Variants in GRK1 observed in about 807,000 individuals in gnomAD.
GRK1 encodes G protein-coupled receptor kinase 1.
A neutral mutation model predicts 41.7 loss-of-function variants in GRK1; 28 were observed. That is an observed-to-expected ratio of 0.67 (90% CI 0.50 to 0.92). The LOEUF is 0.92. Among genes scored for constraint, GRK1 ranks in the 40% least tolerant of loss-of-function variants. GRK1 has a pLI of 0.00. For synonymous variants in GRK1, 327 were observed against 286.7 expected (o/e 1.14, Z -1.42); for missense variants, 703 against 671.2 (o/e 1.05, Z -0.52).
chr13:113,724,937 G>A (rs577264936), intron 4 of GRK1, among the ~76,000 whole-genome samples: 6 of 152,356 alleles, frequency 3.9e-5, no homozygotes, highest in Non-Finnish European at 7.3e-5. Flanking sequence ...TTAACCTCAC[G>A]GATGGAAAGG....
intron 4 of GRK1, among the ~76,000 whole-genome samples, chr13:113,729,060 G>T (rs1222440797): frequency 6.6e-6 from 1 of 152,196 alleles, no homozygotes; most frequent in East Asian, 1.9e-4. Flanking sequence ...TCAGAGTCAG[G>T]CCGCGGTGAA....
At chr13:113,653,289 CTTCACACCTCACCTGCCGT>C in the GRK1 span, 41 of 1,589,446 alleles carry the variant, frequency 2.6e-5, no homozygotes, top group South Asian at 1.9e-4. Flanking sequence ...CCACCCGCCG[CTTCACACCTCACCTGCCGT>C]TTCACACCTC....
the GRK1 span, among the ~76,000 whole-genome samples, chr13:113,649,853 T>C: frequency 6.6e-6 from 1 of 152,150 alleles, no homozygotes; most frequent in African/African-American, 2.4e-5. This position sits in a 1 kb window ranked among gnomAD's most constrained non-coding sequence, Gnocchi z 4.7. Flanking sequence ...TGCAGTTGTT[T>C]TAGAGGATCT....
chr13:113,653,459 A>G, the GRK1 span: 6 of 1,595,430 alleles, frequency 3.8e-6, no homozygotes, highest in African/African-American at 8.1e-5. Context: ...CTTTGTGCTT[A>G]GCGTCTCCAA....
At chr13:113,651,536 GT>G in the GRK1 span, 1 of 1,017,922 alleles carries the variant, frequency 9.8e-7, no homozygotes, top group Non-Finnish European at 1.4e-6. Flanking sequence ...ATGGTTCGGT[GT>G]TTACGTCTGG....
chr13:113,669,754 C>G lies in GRK1; in HGVS notation c.767C>G (p.Ala256Gly), dbSNP rs775955001. 6.2e-7 allele frequency: 1 copy of G among 1,613,824 alleles called. No individual in the cohort carries two copies. The highest frequency in any genetic ancestry group is 8.5e-7 in the Non-Finnish European group (1 of 1,179,876). ...AGGTTCATCGTGTCTCTGGCCTATG[C>G]GTTTGAAACCAAAGCCGACCTCTGT... Reference protein sequence around the residue: ...HSRFIVSLAYAFETKADLCLV... With the variant: ...HSRFIVSLAYGFETKADLCLV... The change falls in exon 2 of 7, where the codon GCG becomes GGG. Residue 256 changes from alanine to glycine, a missense_variant. Coordinates refer to ENST00000335678, the MANE Select transcript of GRK1 (RefSeq NM_002929.3).
In GRK1 at chr13:113,733,859, ATACGTGTG is replaced by A. The variant is rs1473473801; in HGVS notation, c.1396+776_1396+783del. 1.6e-4 allele frequency among the ~76,000 whole-genome samples: 18 copies of A among 110,106 alleles called. 1 individual carries two copies. Among genetic ancestry groups the A allele is most frequent in the Admixed American group, 3.9e-4 (4 of 10,306 alleles). The allele number at this position is 110,106 out of a possible 152,430, so 72.2% of individuals were successfully genotyped here. ...CGTGCGTGTGCATGTGTATGTGTGC[ATACGTGTG>A]TGCGTGTGTGCATACGTGTGTGCGT... On this transcript the variant is annotated intron_variant, in intron 6 of 6. Transcript: ENST00000335678.
At chr13:113,653,673 G>T in the GRK1 span, among the ~76,000 whole-genome samples, 45 of 149,372 alleles carry the variant, frequency 3.0e-4, no homozygotes, top group African/African-American at 1.1e-3. Flanking sequence ...GGTGGGGGGT[G>T]GGGGGTGGCT....
the GRK1 span, among the ~76,000 whole-genome samples, chr13:113,659,798 G>T: frequency 3.3e-5 from 5 of 152,102 alleles, no homozygotes; most frequent in Admixed American, 2.6e-4. Flanking sequence ...GAATGTTAGG[G>T]CGATAAGAAC....
chr13:113,727,323 A>G (rs1438320530), intron 4 of GRK1, among the ~76,000 whole-genome samples: 3 of 152,226 alleles, frequency 2.0e-5, no homozygotes, highest in Non-Finnish European at 4.4e-5. Context: ...GAGGCAGCCC[A>G]CGGTCTATGG....
chr13:113,735,497 A>G lies in GRK1; in HGVS notation c.*134A>G. 1 of 1,017,510 alleles carries G rather than the reference A, an allele frequency of 9.8e-7. No homozygotes were observed. Among genetic ancestry groups the G allele is most frequent in the South Asian group, 2.1e-5 (1 of 48,034 alleles). 63.0% of individuals were successfully genotyped at this position (1,017,510 alleles called of 1,614,324 possible). ...CCTCCACCCAGGTCCCCATCACGCC[A>G]TCTCCTTGCGGCCCAAGGAGGAGAA... On this transcript the variant is annotated 3_prime_UTR_variant, in exon 7 of 7. Transcript: ENST00000335678.
chr13:113,653,015 A>T, the GRK1 span: 1 of 1,614,084 alleles, frequency 6.2e-7, no homozygotes. Context: ...ACTCTCCTGG[A>T]AGAAGTACTG....
chr13:113,659,220 A>G, the GRK1 span, among the ~76,000 whole-genome samples: 3 of 152,236 alleles, frequency 2.0e-5, no homozygotes, highest in Non-Finnish European at 4.4e-5. Context: ...TGTTGGAGAC[A>G]GGGGTCCTGG....
Position 113,671,872 on chromosome 13 carries a change from G to C in GRK1, c.985+216G>C, listed in dbSNP as rs2049860211. The stretch of plus-strand genomic sequence containing the variant: ...CTGTGGTGCAGAACCAGCTGGGAAC[G>C]GCGAGTCTGTTACGCCCAGTCCCCA... On this transcript the variant is annotated intron_variant, in intron 3 of 6. Transcript: ENST00000335678. This position sits in a 1 kb window ranked among gnomAD's most constrained non-coding sequence, Gnocchi z 4.1. Among the ~76,000 whole-genome samples the C allele has an allele frequency of 1.3e-5, 2 of 152,102 alleles. No individual in the cohort carries two copies. The highest frequency in any genetic ancestry group is 2.9e-5 in the Non-Finnish European group (2 of 68,002).
chr13:113,661,986 A>T, the GRK1 span, among the ~76,000 whole-genome samples: 2 of 152,378 alleles, frequency 1.3e-5, no homozygotes, highest in African/African-American at 4.8e-5. Flanking sequence ...GACCAGTGTT[A>T]CCTTTATAAC....
At chr13:113,664,824 G>A (rs1285344216), upstream of GRK1, among the ~76,000 whole-genome samples, 8 of 152,202 alleles carry the variant, frequency 5.3e-5, no homozygotes, top group African/African-American at 1.9e-4. The surrounding 1 kb of genome is among the most constrained non-coding windows in gnomAD (Gnocchi z 5.4). Flanking sequence ...CAGCAGAGAC[G>A]GCTACACTTC....
intron 4 of GRK1, among the ~76,000 whole-genome samples, chr13:113,729,086 G>A (rs1021242463): frequency 3.5e-4 from 53 of 152,156 alleles, no homozygotes; most frequent in Admixed American, 1.6e-3. Context: ...GCGCCTTTTA[G>A]GGTGCTGAGG....
At chr13:113,730,490 A>G (rs558897205) in intron 4 of GRK1, among the ~76,000 whole-genome samples, 1 of 150,590 alleles carries the variant, frequency 6.6e-6, no homozygotes, top group Non-Finnish European at 1.5e-5. Context: ...CCGTCCCTCC[A>G]TCCCGAGACA....
At chr13:113,648,562 C>G in the GRK1 span, among the ~76,000 whole-genome samples, 53 of 152,334 alleles carry the variant, frequency 3.5e-4, no homozygotes, top group Admixed American at 8.5e-4. Context: ...GGAGAATGTT[C>G]TCATTTCAGT....
Sources: allele counts gnomAD v4.1 joint callset (sites outside exome capture counted in the v4.1 genomes callset), GRCh38; gene constraint gnomAD v4.1.1; non-coding constraint Gnocchi (gnomAD v3.1); transcripts MANE v1.5; gene names NCBI Gene and HGNC (gene_info 2026-07-23, HGNC 2026-07-21).